LRRC3B: variants seen among roughly 807,000 people sequenced by gnomAD.
LRRC3B encodes leucine-rich repeat-containing protein 3B.
Under a neutral mutation model 12.8 loss-of-function variants are expected in LRRC3B, and 2 were observed. The ratio of observed to expected loss-of-function variants is 0.16; its 90% CI spans 0.06 to 0.49. The LOEUF (loss-of-function observed/expected upper bound fraction) is 0.49. LRRC3B is among the 20% of genes least tolerant of loss of function. The probability of loss-of-function intolerance (pLI) is 0.96; values close to 1 mark genes in which losing one functional copy is unlikely to be tolerated. For synonymous variants in LRRC3B, 132 were observed against 122.0 expected (o/e 1.08, Z -0.54); for missense variants, 189 against 319.4 (o/e 0.59, Z 3.11).
intron 1 of LRRC3B, among the ~76,000 whole-genome samples, chr3:26,647,209 T>C (rs1409895828): frequency 6.6e-6 from 1 of 152,168 alleles, no homozygotes; most frequent in African/African-American, 2.4e-5. Flanking sequence ...GAGTAGCCTT[T>C]CCTCCCTCTG....
chr3:26,692,165 A>T (rs1445850933), intron 1 of LRRC3B, among the ~76,000 whole-genome samples: 2 of 152,216 alleles, frequency 1.3e-5, no homozygotes, highest in Non-Finnish European at 2.9e-5. Context: ...ATTTTGCCTA[A>T]ATAATATCAC....
chr3:26,652,524 T>A (rs1336309028), intron 1 of LRRC3B, among the ~76,000 whole-genome samples: 1 of 152,154 alleles, frequency 6.6e-6, no homozygotes, highest in Non-Finnish European at 1.5e-5. Context: ...CCTGCAAGAA[T>A]AAAGGAGAGT....
At chr3:26,629,532 G>A (rs556996837) in intron 1 of LRRC3B, among the ~76,000 whole-genome samples, 1 of 152,342 alleles carries the variant, frequency 6.6e-6, no homozygotes, top group Non-Finnish European at 1.5e-5. Context: ...TGACTAAGCA[G>A]TATGCTTTCC....
intron 1 of LRRC3B, among the ~76,000 whole-genome samples, chr3:26,645,473 A>C (rs182060873): frequency 3.3e-5 from 5 of 152,256 alleles, no homozygotes; most frequent in Admixed American, 3.3e-4. Flanking sequence ...CATAGACTTT[A>C]TTTACTGTAA....
intron 1 of LRRC3B, among the ~76,000 whole-genome samples, chr3:26,679,973 T>C (rs60070834): frequency 0.36 from 54,159 of 152,098 alleles, 13,662 homozygotes; most frequent in African/African-American, 0.7. Flanking sequence ...CCCCATCCTC[T>C]ACAGAGCTCA....
intron 1 of LRRC3B, among the ~76,000 whole-genome samples, chr3:26,674,764 C>G (rs879903540): frequency 2.0e-5 from 3 of 152,114 alleles, no homozygotes; most frequent in Non-Finnish European, 4.4e-5. Flanking sequence ...ATGAACTCAT[C>G]CTTGCTCTCT....
intron 1 of LRRC3B, chr3:26,625,020 C>G (rs780401275): frequency 6.6e-6 from 1 of 152,394 alleles, no homozygotes; most frequent in African/African-American, 2.4e-5. Context: ...ATGCTCCTCT[C>G]CCAGAGGTGC....
chr3:26,671,413 G>GAGAGAGAGAGAGAC lies in LRRC3B; in HGVS notation c.-160-38099_-160-38098insGAGAGAGAGAGACA, dbSNP rs9331540. 6.5e-3 allele frequency among the ~76,000 whole-genome samples: 643 copies of GAGAGAGAGAGAGAC among 99,196 alleles called. 70 individuals are homozygous for GAGAGAGAGAGAGAC. The highest frequency in any genetic ancestry group is 8.1e-3 in the Admixed American group (67 of 8,300). 65.1% of individuals were successfully genotyped at this position (99,196 alleles called of 152,430 possible). A position where few individuals can be genotyped will look rare whatever the true frequency, so the allele number is the denominator to read the frequency against. ...AGAGAGAGAGAGAGAGAGAGAGAGAGACGAAGTCTTGCTCTGTCGCCAGGC... is the reference window on the plus strand; with the variant it reads ...AGAGAGAGAGAGAGAGAGAGAGAGAGAGAGAGAGAGAGACACGAAGTCTTGCTCTGTCGCCAGGC... On this transcript the variant is annotated intron_variant, in intron 1 of 1. Coordinates refer to ENST00000396641, the Ensembl canonical transcript of LRRC3B.
At chr3:26,662,462 T>A (rs1368777196) in intron 1 of LRRC3B, among the ~76,000 whole-genome samples, 1 of 152,080 alleles carries the variant, frequency 6.6e-6, no homozygotes, top group Non-Finnish European at 1.5e-5. Context: ...CTCCTACTCC[T>A]GCTATACCCT....
intron 1 of LRRC3B, among the ~76,000 whole-genome samples, chr3:26,674,777 T>A (rs1275952345): frequency 6.6e-6 from 1 of 152,210 alleles, no homozygotes; most frequent in Admixed American, 6.5e-5. Flanking sequence ...TGCTCTCTCC[T>A]AATTTGCTCC....
chr3:26,630,991 C>T (rs1698745570), intron 1 of LRRC3B, among the ~76,000 whole-genome samples: 1 of 152,180 alleles, frequency 6.6e-6, no homozygotes, highest in Non-Finnish European at 1.5e-5. Flanking sequence ...TCTTCCTCCC[C>T]AGACCAGTTT....
At chr3:26,636,944 TTC>T (rs1559350343) in intron 1 of LRRC3B, among the ~76,000 whole-genome samples, 4 of 114,270 alleles carry the variant, frequency 3.5e-5, no homozygotes, top group African/African-American at 1.7e-4. Flanking sequence ...CTTTCTTTCT[TTC>T]TTTCTTTCTT....
At chr3:26,656,056 G>T (rs1699365815) in intron 1 of LRRC3B, among the ~76,000 whole-genome samples, 1 of 152,094 alleles carries the variant, frequency 6.6e-6, no homozygotes, top group Non-Finnish European at 1.5e-5. Flanking sequence ...GACTATGCCT[G>T]GTTGTTCAGC....
chr3:26,699,571 G>A (rs926067541), intron 1 of LRRC3B, among the ~76,000 whole-genome samples: 3 of 152,046 alleles, frequency 2.0e-5, no homozygotes, highest in African/African-American at 7.2e-5. Context: ...GATAAAGCAG[G>A]GTTAAGCAGG....
chr3:26,658,723 G>A lies in LRRC3B; in HGVS notation c.-161+35486G>A, dbSNP rs1020507815. Reference sequence around the variant, plus strand: ...CAGGGGAAAGTGTGATCTGTTCTGTGTTTTTCAATCTACAGTATTTTTACA... The same window carrying A: ...CAGGGGAAAGTGTGATCTGTTCTGTATTTTTCAATCTACAGTATTTTTACA... On this transcript the variant is annotated intron_variant, in intron 1 of 1. Transcript: ENST00000396641. Among the ~76,000 whole-genome samples, 6 of 152,240 alleles carry A rather than the reference G, an allele frequency of 3.9e-5. No homozygotes were observed. The East Asian group carries it at 1.2e-3, about 29-fold the overall frequency.
intron 1 of LRRC3B, among the ~76,000 whole-genome samples, chr3:26,707,006 G>A (rs983298519): frequency 2.6e-5 from 4 of 152,100 alleles, no homozygotes; most frequent in Non-Finnish European, 5.9e-5. Flanking sequence ...ATGTATCCGA[G>A]AATAATAATA....
chr3:26,625,118 T>C (rs1369421888), intron 1 of LRRC3B: 2 of 152,362 alleles, frequency 1.3e-5, no homozygotes, highest in Non-Finnish European at 2.9e-5. Context: ...GTACAACCTT[T>C]AGGTCCTCCC....
intron 1 of LRRC3B, among the ~76,000 whole-genome samples, chr3:26,637,932 T>C (rs1698938144): frequency 6.6e-6 from 1 of 152,234 alleles, no homozygotes; most frequent in Non-Finnish European, 1.5e-5. Flanking sequence ...TGGTCTAGAC[T>C]TGTAGCCTAC....
At chr3:26,650,467 C>T (rs1322076442) in intron 1 of LRRC3B, among the ~76,000 whole-genome samples, 1 of 151,954 alleles carries the variant, frequency 6.6e-6, no homozygotes, top group African/African-American at 2.4e-5. Context: ...TCACACAGCT[C>T]CCCCCACCAG....
Sources: gnomAD v4.1 joint callset for allele counts (sites outside exome capture counted in the v4.1 genomes callset) on GRCh38, gnomAD v4.1.1 for gene constraint, MANE v1.5 for transcripts, NCBI Gene and HGNC (gene_info 2026-07-23, HGNC 2026-07-21) for gene names.